SLC16A9: variants seen among roughly 807,000 people sequenced by gnomAD.
The protein encoded by SLC16A9 is monocarboxylate transporter 9.
Under a neutral mutation model 44.3 loss-of-function variants are expected in SLC16A9, and 26 were observed. That is an observed-to-expected ratio of 0.59 (90% CI 0.43 to 0.81). The LOEUF (loss-of-function observed/expected upper bound fraction) is 0.81, where lower values mean the gene tolerates loss of function less well. Ranked by LOEUF, SLC16A9 falls within the 40% of genes least tolerant of loss-of-function variation. The probability of loss-of-function intolerance (pLI) is 0.00; values close to 1 mark genes in which losing one functional copy is unlikely to be tolerated. For missense variants in SLC16A9, 559 were observed against 595.8 expected (o/e 0.94, Z 0.64); for synonymous variants, 230 against 225.1 (o/e 1.02, Z -0.19).
At position 59,697,422 on chromosome 10, in the gene SLC16A9, T is replaced by G. The variant is rs879436553; in HGVS notation, c.-37+12057A>C. Among the ~76,000 whole-genome samples, 1,096 of 151,714 alleles carry G rather than the reference T, an allele frequency of 7.2e-3. 5 individuals carry two copies. Among genetic ancestry groups the G allele is most frequent in the Non-Finnish European group, 0.011 (714 of 67,754 alleles). On this transcript the variant is annotated intron_variant, in intron 1 of 5. Transcript: ENST00000395348. ...CTTCTGCCTTGGGATCCTGTTGATCTGTGACCTTACCCCCAACCCTGTGCT... is the reference window on the plus strand; with the variant it reads ...CTTCTGCCTTGGGATCCTGTTGATCGGTGACCTTACCCCCAACCCTGTGCT...
In SLC16A9 at chr10:59,688,554, A is replaced by AT. The variant is rs1355112522; in HGVS notation, c.-36-4228dup. Among the ~76,000 whole-genome samples the AT allele has an allele frequency of 2.6e-5, 4 of 152,224 alleles. No homozygotes were observed. In the East Asian group the frequency reaches 7.7e-4, roughly 29 times the overall value. On this transcript the variant is annotated intron_variant, in intron 1 of 5. Coordinates refer to ENST00000395348, the MANE Select transcript of SLC16A9 (RefSeq NM_194298.3). ...TTGTAGTAATCAAATATGTCCCTCC[A>AT]TTGGAAATTTGCTCTCTCTGGTACC...
At chr10:59,691,898 T>C (rs1186467539) in intron 1 of SLC16A9, among the ~76,000 whole-genome samples, 2 of 152,214 alleles carry the variant, frequency 1.3e-5, no homozygotes, top group Admixed American at 6.5e-5. Flanking sequence ...TGTATACATA[T>C]GCACTATACT....
chr10:59,683,772 A>G (rs947068327), intron 2 of SLC16A9, among the ~76,000 whole-genome samples: 3 of 152,222 alleles, frequency 2.0e-5, no homozygotes, highest in African/African-American at 7.2e-5. Flanking sequence ...TGTGTATCTT[A>G]CAAGACTATG....
intron 2 of SLC16A9, among the ~76,000 whole-genome samples, chr10:59,679,719 G>A (rs1839945433): frequency 6.6e-6 from 1 of 152,150 alleles, no homozygotes; most frequent in African/African-American, 2.4e-5. Flanking sequence ...TAGCCAAGTT[G>A]AAACATAAAA....
rs533704230 is a variant in SLC16A9, at chr10:59,651,582, A to C, written c.*1190T>G. 3.1e-4 allele frequency: 47 copies of C among 152,318 alleles called. No homozygotes were observed. The highest frequency in any genetic ancestry group is 1.0e-3 in the South Asian group (5 of 4,826). 9.4% of individuals were successfully genotyped at this position (152,318 alleles called of 1,614,324 possible). On this transcript the variant is annotated 3_prime_UTR_variant, in exon 6 of 6. Coordinates refer to ENST00000395348, the MANE Select transcript of SLC16A9 (RefSeq NM_194298.3). ...TACCTATATTTTCAAAAAGATCTAT[A>C]GGGAATTCTGATGCATACCAAAGTT...
Position 59,664,337 on chromosome 10 carries a change from A to C in SLC16A9, c.341-15T>G. 6.4e-7 allele frequency: 1 copy of C among 1,569,998 alleles called. No homozygotes were observed. Among genetic ancestry groups the C allele is most frequent in the Non-Finnish European group, 8.7e-7 (1 of 1,145,474 alleles). The stretch of plus-strand genomic sequence containing the variant: ...ACATCCAAGACCTAAGCATGAGAAG[A>C]CATTGCATAAATTAAGACGCTGCAT... On this transcript the variant is annotated splice_polypyrimidine_tract_variant and intron_variant, in intron 3 of 5. Transcript: ENST00000395348.
At chr10:59,703,202 G>A (rs748578458) in intron 1 of SLC16A9, among the ~76,000 whole-genome samples, 4 of 152,226 alleles carry the variant, frequency 2.6e-5, no homozygotes, top group Admixed American at 1.3e-4. Context: ...CATCACTGCA[G>A]CCTTGACCTC....
At chr10:59,698,684 T>C (rs889628078) in intron 1 of SLC16A9, among the ~76,000 whole-genome samples, 4 of 151,964 alleles carry the variant, frequency 2.6e-5, no homozygotes, top group African/African-American at 9.7e-5. Flanking sequence ...GCCCCAATTC[T>C]TTGTGTCCAA....
At chr10:59,699,384 A>G (rs1399353791) in intron 1 of SLC16A9, among the ~76,000 whole-genome samples, 1 of 147,336 alleles carries the variant, frequency 6.8e-6, no homozygotes, top group Non-Finnish European at 1.5e-5. Context: ...TCATACGAGT[A>G]CACACACAGA....
Position 59,651,732 on chromosome 10 carries a change from C to G in SLC16A9, c.*1040G>C, listed in dbSNP as rs867470635. ...AATTTCTTATTGCCCTTTTCCATTC[C>G]CATATCCCATGCAGACTTAGAGCAT... On this transcript the variant is annotated 3_prime_UTR_variant, in exon 6 of 6. Transcript: ENST00000395348. 1.3e-5 allele frequency: 2 copies of G among 151,138 alleles called. No homozygotes were observed. The highest frequency in any genetic ancestry group is 2.4e-5 in the African/African-American group (1 of 41,138). The allele number at this position is 151,138 out of a possible 1,614,324, so 9.4% of individuals were successfully genotyped here. A position where few individuals can be genotyped will look rare whatever the true frequency, so the allele number is the denominator to read the frequency against.
At chr10:59,662,817 G>C (rs149460197) in intron 4 of SLC16A9, among the ~76,000 whole-genome samples, 1 of 152,030 alleles carries the variant, frequency 6.6e-6, no homozygotes, top group Non-Finnish European at 1.5e-5. Context: ...ATGCTGGAGA[G>C]GATGTAGAGA....
rs1389638114 is a variant in SLC16A9 at position 59,697,096 on chromosome 10, C to G, written c.-37+12383G>C. Among the ~76,000 whole-genome samples, 9 of 97,800 alleles carry G rather than the reference C, an allele frequency of 9.2e-5. 3 individuals are homozygous for G. The highest frequency in any genetic ancestry group is 1.9e-4 in the Non-Finnish European group (9 of 46,454). 64.2% of individuals were successfully genotyped at this position (97,800 alleles called of 152,430 possible). On this transcript the variant is annotated intron_variant, in intron 1 of 5. Transcript: ENST00000395348. ...CCTCTGCCCCGCCAGCCGCCCTGTC[C>G]GGGAGGGAGGTGGGGGGGTTCAGCC...
intron 1 of SLC16A9, among the ~76,000 whole-genome samples, chr10:59,700,608 G>A (rs111511360): frequency 4.6e-5 from 7 of 152,218 alleles, no homozygotes; most frequent in African/African-American, 1.7e-4. Context: ...CAGGCACGGA[G>A]CTTCGCATAA....
chr10:59,695,097 G>C (rs1840343206), intron 1 of SLC16A9, among the ~76,000 whole-genome samples: 1 of 151,904 alleles, frequency 6.6e-6, no homozygotes, highest in Admixed American at 6.6e-5. Flanking sequence ...GAAATGTCCA[G>C]AACAGGCACA....
chr10:59,673,963 A>G (rs1839806070), intron 2 of SLC16A9, among the ~76,000 whole-genome samples: 1 of 152,258 alleles, frequency 6.6e-6, no homozygotes, highest in Admixed American at 6.5e-5. Flanking sequence ...TAAAAACTAC[A>G]GAAACAAGCA....
chr10:59,659,575 A>G (rs1348078526), intron 4 of SLC16A9, among the ~76,000 whole-genome samples: 2 of 152,148 alleles, frequency 1.3e-5, no homozygotes, highest in African/African-American at 4.8e-5. Context: ...CCCTCTGTCA[A>G]TACTGGACAG....
chr10:59,671,438 G>A (rs1839747843), intron 3 of SLC16A9, among the ~76,000 whole-genome samples: 1 of 152,182 alleles, frequency 6.6e-6, no homozygotes, highest in Non-Finnish European at 1.5e-5. Flanking sequence ...GAACATTGTT[G>A]TTAGAGACAC....
At chr10:59,699,901 AACACACACACAC>A (rs57820696) in intron 1 of SLC16A9, among the ~76,000 whole-genome samples, 43 of 147,672 alleles carry the variant, frequency 2.9e-4, no homozygotes, top group African/African-American at 8.0e-4. Context: ...CTGCACTGAA[AACACACACACAC>A]ACACACACAC....
chr10:59,693,250 T>C (rs1321556224), intron 1 of SLC16A9, among the ~76,000 whole-genome samples: 1 of 152,228 alleles, frequency 6.6e-6, no homozygotes, highest in African/African-American at 2.4e-5. Context: ...GTCAAGTAAA[T>C]CTACTCTCTT....
Sources: allele counts gnomAD v4.1 joint callset (sites outside exome capture counted in the v4.1 genomes callset), GRCh38; gene constraint gnomAD v4.1.1; transcripts MANE v1.5; gene names NCBI Gene and HGNC (gene_info 2026-07-23, HGNC 2026-07-21).